ELF1: variants seen among roughly 807,000 people sequenced by gnomAD.
ELF1 encodes the protein ETS-related transcription factor Elf-1.
A neutral mutation model predicts 59.9 loss-of-function variants in ELF1; 24 were observed. The observed-to-expected ratio is 0.40, with a 90% CI of 0.29 to 0.56. The LOEUF is 0.56. ELF1 is among the 20% of genes least tolerant of loss of function. The pLI, the probability that ELF1 is intolerant of heterozygous loss-of-function variation, is 0.44. For synonymous variants in ELF1, 248 were observed against 266.2 expected, an observed-to-expected ratio of 0.93 and a Z score of 0.67; for missense variants, 627 against 742.2, an observed-to-expected ratio of 0.84 and a Z score of 1.80.
At chr13:41,059,646 G>A (rs1877422672) in intron 1 of ELF1, among the ~76,000 whole-genome samples, 1 of 152,094 alleles carries the variant, frequency 6.6e-6, no homozygotes, top group Non-Finnish European at 1.5e-5. Context: ...AAACATTATA[G>A]CCGACCCTAT....
At chr13:40,943,804 T>G in intron 6 of ELF1, 38 bp downstream of exon 6, 1 of 1,565,390 alleles carries the variant, frequency 6.4e-7, no homozygotes, top group Non-Finnish European at 8.7e-7. Context: ...TAAAGCAATC[T>G]GAGTGTTATT....
chr13:41,034,800 A>AC (rs1346055384), intron 1 of ELF1, among the ~76,000 whole-genome samples: 3 of 151,606 alleles, frequency 2.0e-5, no homozygotes, highest in Non-Finnish European at 2.9e-5. Context: ...TAAAAAAAAA[A>AC]AAAAAAAAAC....
chr13:41,057,016 C>T (rs1475760342), intron 1 of ELF1, among the ~76,000 whole-genome samples: 1 of 152,084 alleles, frequency 6.6e-6, no homozygotes, highest in Non-Finnish European at 1.5e-5. Context: ...TGGGTAAAGT[C>T]CAGATAATGT....
At chr13:41,050,834 C>T (rs1877057678) in intron 1 of ELF1, among the ~76,000 whole-genome samples, 1 of 152,350 alleles carries the variant, frequency 6.6e-6, no homozygotes, top group South Asian at 2.1e-4. Flanking sequence ...CAGGCATGAG[C>T]CACCACACCC....
chr13:41,001,409 A>T (rs9590566), intron 1 of ELF1, among the ~76,000 whole-genome samples: 27,598 of 152,034 alleles, frequency 0.18, 2,682 homozygotes, highest in African/African-American at 0.22. Flanking sequence ...GCAACATAGC[A>T]AGACTCCATC....
chr13:40,954,622 A>AT (rs1002722228), intron 3 of ELF1, among the ~76,000 whole-genome samples: 6 of 152,062 alleles, frequency 3.9e-5, no homozygotes, highest in South Asian at 4.2e-4. Flanking sequence ...TGGTTTTCGT[A>AT]TTTTTTTGGT....
intron 2 of ELF1, among the ~76,000 whole-genome samples, chr13:40,971,218 A>C (rs537944174): frequency 1.1e-4 from 16 of 152,260 alleles, no homozygotes; most frequent in African/African-American, 3.4e-4. Context: ...TATCTTCTAA[A>C]TGATCACTGT....
chr13:40,942,393 G>A (rs531863170), intron 7 of ELF1, among the ~76,000 whole-genome samples: 1 of 152,166 alleles, frequency 6.6e-6, no homozygotes, highest in Non-Finnish European at 1.5e-5. Flanking sequence ...ACCGAAAAAC[G>A]AACTAAAAGT....
At chr13:41,024,711 A>G (rs1875825524) in intron 1 of ELF1, among the ~76,000 whole-genome samples, 1 of 152,084 alleles carries the variant, frequency 6.6e-6, no homozygotes, top group African/African-American at 2.4e-5. Context: ...CCTAGCATCT[A>G]CTGTAGTTAC....
In ELF1 at chr13:41,000,053, A is replaced by G. The variant is rs544604110; in HGVS notation, c.-228-17771T>C. Among the ~76,000 whole-genome samples the G allele has an allele frequency of 7.0e-4, 107 of 152,298 alleles. 1 individual carries two copies. The highest frequency in any genetic ancestry group is 2.5e-3 in the African/African-American group (105 of 41,576). On this transcript the variant is annotated intron_variant, in intron 1 of 8. Coordinates refer to ENST00000239882, the MANE Select transcript of ELF1 (RefSeq NM_172373.4). Reference sequence around the variant, plus strand: ...CAGTATTAAATATTTTGAATAGATGATGCTGACTTAGTTATCCAATGAAGA... The same window carrying G: ...CAGTATTAAATATTTTGAATAGATGGTGCTGACTTAGTTATCCAATGAAGA...
intron 4 of ELF1, among the ~76,000 whole-genome samples, chr13:40,950,766 A>G (rs546283314): frequency 1.3e-5 from 2 of 152,360 alleles, no homozygotes; most frequent in South Asian, 4.1e-4. Context: ...GGAAAGGAAC[A>G]GTATCTGCTC....
intron 1 of ELF1, among the ~76,000 whole-genome samples, chr13:41,044,485 AAG>A (rs1566198890): frequency 6.6e-6 from 1 of 152,156 alleles, no homozygotes; most frequent in Non-Finnish European, 1.5e-5. Context: ...AGAATTTATT[AAG>A]AGTTTTTAGC....
At chr13:41,006,314 G>T (rs948495317) in intron 1 of ELF1, among the ~76,000 whole-genome samples, 8 of 146,032 alleles carry the variant, frequency 5.5e-5, no homozygotes, top group Non-Finnish European at 1.1e-4. Flanking sequence ...CAATATCTAG[G>T]GAATAAGGAG....
intron 1 of ELF1, among the ~76,000 whole-genome samples, chr13:40,992,404 A>G (rs1873901385): frequency 6.6e-6 from 1 of 152,252 alleles, no homozygotes. Context: ...CTTAGGATAG[A>G]AACACAATCT....
rs149325077 is a variant in ELF1, at chr13:41,017,777, T to C, written c.-229+1451A>G. Among the ~76,000 whole-genome samples, 10 of 151,964 alleles carry C rather than the reference T, an allele frequency of 6.6e-5. No homozygotes were observed. In the East Asian group the frequency reaches 1.9e-3, roughly 29 times the overall value. On this transcript the variant is annotated intron_variant, in intron 1 of 8. Transcript: ENST00000239882. The stretch of plus-strand genomic sequence containing the variant: ...TGCCTCTTGATTTTTCTCTTATGGA[T>C]CACCACCTTAAAAAAGTTAAAAAAA...
chr13:41,011,194 T>G (rs1346902051), intron 1 of ELF1, among the ~76,000 whole-genome samples: 1 of 152,232 alleles, frequency 6.6e-6, no homozygotes, highest in Admixed American at 6.5e-5. Flanking sequence ...AATACTATAC[T>G]AATTATTTTA....
upstream of ELF1, among the ~76,000 whole-genome samples, chr13:41,021,642 T>C (rs143675988): frequency 1.4e-3 from 219 of 152,324 alleles, 1 homozygote; most frequent in African/African-American, 4.9e-3. Context: ...TTATCTATCA[T>C]TTAGCCTAAT....
chr13:41,039,336 TAAAAAAAAAAA>T (rs747996967), intron 1 of ELF1, among the ~76,000 whole-genome samples: 3 of 102,896 alleles, frequency 2.9e-5, no homozygotes, highest in Non-Finnish European at 6.6e-5. Flanking sequence ...GTCCTTTTTT[TAAAAAAAAAAA>T]AAAAAAAAAA....
At chr13:40,968,889 T>C (rs1337900463) in intron 2 of ELF1, among the ~76,000 whole-genome samples, 1 of 152,084 alleles carries the variant, frequency 6.6e-6, no homozygotes, top group African/African-American at 2.4e-5. Context: ...CCAGCTAATT[T>C]TTGTGTTTTT....
Sources: allele counts gnomAD v4.1 joint callset (sites outside exome capture counted in the v4.1 genomes callset), GRCh38; gene constraint gnomAD v4.1.1; transcripts MANE v1.5; gene names NCBI Gene and HGNC (gene_info 2026-07-23, HGNC 2026-07-21).